Variants in FHIT observed in about 807,000 individuals in gnomAD.
The protein encoded by FHIT is fragile histidine triad diadenosine triphosphatase, also known as bis(5'-adenosyl)-triphosphatase.
Under a neutral mutation model 17.9 loss-of-function variants are expected in FHIT, and 19 were observed. The observed-to-expected ratio is 1.06, with a 90% CI of 0.74 to 1.56. The LOEUF (loss-of-function observed/expected upper bound fraction) is 1.56, where lower values mean the gene tolerates loss of function less well. FHIT is among the 40% of genes most tolerant of loss of function. The pLI, the probability that FHIT is intolerant of heterozygous loss-of-function variation, is 0.00. For synonymous variants in FHIT, 81 were observed against 69.7 expected, an observed-to-expected ratio of 1.16 and a Z score of -0.81; for missense variants, 248 against 189.2, an observed-to-expected ratio of 1.31 and a Z score of -1.82.
chr3:60,899,451 C>T (rs1427503780), intron 3 of FHIT, among the ~76,000 whole-genome samples: 1 of 152,174 alleles, frequency 6.6e-6, no homozygotes, highest in Non-Finnish European at 1.5e-5. Flanking sequence ...TATTCTCTCA[C>T]TGTTGTATTT....
intron 4 of FHIT, among the ~76,000 whole-genome samples, chr3:60,698,613 G>C (rs1365131252): frequency 6.6e-6 from 1 of 152,088 alleles, no homozygotes; most frequent in Non-Finnish European, 1.5e-5. Flanking sequence ...CCTTCCAACA[G>C]GTCTCTCAAT....
chr3:60,010,054 A>G lies in FHIT; in HGVS notation c.279+1317T>C, dbSNP rs375082977. Among the ~76,000 whole-genome samples the G allele has an allele frequency of 3.3e-5, 5 of 152,190 alleles. No individual in the cohort carries two copies. In the South Asian group the frequency reaches 1.0e-3, roughly 32 times the overall value. Reference sequence around the variant, plus strand: ...AGTATCGCTTTCAATGGCTGAAGGAATTCCATCAAATAGATATTGCATAGT... The same window carrying G: ...AGTATCGCTTTCAATGGCTGAAGGAGTTCCATCAAATAGATATTGCATAGT... On this transcript the variant is annotated intron_variant, in intron 7 of 9. Coordinates refer to ENST00000492590, the MANE Select transcript of FHIT (RefSeq NM_002012.4).
chr3:60,319,872 T>C (rs1709342341), intron 5 of FHIT, among the ~76,000 whole-genome samples: 1 of 152,032 alleles, frequency 6.6e-6, no homozygotes, highest in Non-Finnish European at 1.5e-5. Flanking sequence ...TTTAATTTCA[T>C]GGGAAGGGGT....
At chr3:60,207,649 A>C (rs539474936) in intron 5 of FHIT, among the ~76,000 whole-genome samples, 13 of 152,290 alleles carry the variant, frequency 8.5e-5, no homozygotes, top group African/African-American at 3.1e-4. Context: ...CGTGACACTC[A>C]ATAAAAATGC....
intron 5 of FHIT, among the ~76,000 whole-genome samples, chr3:60,325,519 T>C (rs1004664496): frequency 6.6e-6 from 1 of 152,262 alleles, no homozygotes; most frequent in Admixed American, 6.5e-5. Flanking sequence ...AGAGCAATAA[T>C]CTAGCATCTA....
At chr3:60,052,439 G>A (rs1198297757) in intron 5 of FHIT, among the ~76,000 whole-genome samples, 1 of 152,104 alleles carries the variant, frequency 6.6e-6, no homozygotes, top group Non-Finnish European at 1.5e-5. Context: ...AGGGCTGCCC[G>A]ATTAGTTGAC....
chr3:59,981,388 G>C (rs910295802), intron 7 of FHIT, among the ~76,000 whole-genome samples: 1 of 152,014 alleles, frequency 6.6e-6, no homozygotes, highest in Non-Finnish European at 1.5e-5. Flanking sequence ...TAAGGCAAAG[G>C]GCCTTCTGAA....
At chr3:60,086,861 T>C (rs537734910) in intron 5 of FHIT, among the ~76,000 whole-genome samples, 1 of 152,346 alleles carries the variant, frequency 6.6e-6, no homozygotes, top group African/African-American at 2.4e-5. Context: ...ACACTGCTGC[T>C]GCTGCTGGTG....
intron 5 of FHIT, among the ~76,000 whole-genome samples, chr3:60,398,141 G>A (rs1346383404): frequency 6.6e-6 from 1 of 151,988 alleles, no homozygotes; most frequent in African/African-American, 2.4e-5. Context: ...GCTGAACTAA[G>A]GAGCAAAAAA....
In FHIT at chr3:60,611,995, C is replaced by T. The variant is rs72887687; in HGVS notation, c.-17-75016G>A. On this transcript the variant is annotated intron_variant, in intron 4 of 9. Coordinates refer to ENST00000492590, the MANE Select transcript of FHIT (RefSeq NM_002012.4). ...CTGTTCTGCTCAGCTTCAAAACTCT[C>T]AGCAGGATGTCCCATTCCTCACCTA... is the stretch of plus-strand genomic sequence containing the variant. Among the ~76,000 whole-genome samples, 1,507 of 152,200 alleles carry T rather than the reference C, an allele frequency of 9.9e-3. 33 individuals are homozygous for T. Among genetic ancestry groups the T allele is most frequent in the African/African-American group, 0.035 (1,440 of 41,504 alleles).
intron 5 of FHIT, among the ~76,000 whole-genome samples, chr3:60,176,397 T>C (rs527815396): frequency 6.2e-4 from 94 of 152,280 alleles, no homozygotes; most frequent in Admixed American, 2.1e-3. Flanking sequence ...GTAGCTACTA[T>C]ATTAGAGCAA....
intron 3 of FHIT, among the ~76,000 whole-genome samples, chr3:60,923,278 G>A (rs897339062): frequency 6.6e-6 from 1 of 152,180 alleles, no homozygotes; most frequent in East Asian, 1.9e-4. Context: ...GGAGTCAAAT[G>A]TTGTGTGTGT....
intron 3 of FHIT, among the ~76,000 whole-genome samples, chr3:60,864,607 G>T (rs572299724): frequency 2.7e-4 from 41 of 152,108 alleles, no homozygotes; most frequent in African/African-American, 9.2e-4. Flanking sequence ...GGCAAGGAGG[G>T]GTGGCAGATG....
In FHIT at chr3:60,197,401, C is replaced by T. The variant is rs914964687; in HGVS notation, c.104-183249G>A. 3.9e-5 allele frequency among the ~76,000 whole-genome samples: 6 copies of T among 152,132 alleles called. No individual in the cohort carries two copies. The East Asian group carries it at 7.7e-4, about 20-fold the overall frequency. On this transcript the variant is annotated intron_variant, in intron 5 of 9. Coordinates refer to ENST00000492590, the MANE Select transcript of FHIT (RefSeq NM_002012.4). ...TAAAATGTAAAATTAATTTCTCCTGCTTCTGTAATATGGCAACTCAAAAAT... is the reference window on the plus strand; with the variant it reads ...TAAAATGTAAAATTAATTTCTCCTGTTTCTGTAATATGGCAACTCAAAAAT...
At chr3:60,672,232 A>T (rs1349242905) in intron 4 of FHIT, among the ~76,000 whole-genome samples, 2 of 152,152 alleles carry the variant, frequency 1.3e-5, no homozygotes, top group African/African-American at 4.8e-5. Flanking sequence ...GAGACCACCA[A>T]ACAGGCTTTG....
chr3:60,683,979 A>G (rs2205355), intron 4 of FHIT, among the ~76,000 whole-genome samples: 8,697 of 152,094 alleles, frequency 0.057, 336 homozygotes, highest in East Asian at 0.12. Flanking sequence ...TACATGTCTC[A>G]TTTAATCCTG....
chr3:60,690,150 AT>A, intron 4 of FHIT: 1 of 420,320 alleles, frequency 2.4e-6, no homozygotes, highest in Non-Finnish European at 4.5e-6. Context: ...CTGCGAGCAA[AT>A]GGGGTGGAGG....
chr3:60,900,199 G>A (rs1706043844), intron 3 of FHIT, among the ~76,000 whole-genome samples: 1 of 152,168 alleles, frequency 6.6e-6, no homozygotes, highest in South Asian at 2.1e-4. Context: ...TCAAGAGGCA[G>A]AGTAATGGGG....
chr3:59,864,193 C>T (rs1289274475), intron 8 of FHIT, among the ~76,000 whole-genome samples: 3 of 152,168 alleles, frequency 2.0e-5, no homozygotes, highest in East Asian at 1.9e-4. Flanking sequence ...ACCCAAATCT[C>T]AACTTGAATT....
Sources: allele counts gnomAD v4.1 joint callset (sites outside exome capture counted in the v4.1 genomes callset), GRCh38; gene constraint gnomAD v4.1.1; transcripts MANE v1.5; gene names NCBI Gene and HGNC (gene_info 2026-07-23, HGNC 2026-07-21).